The following VTI1A variants were observed in gnomAD, a reference collection of about 807,000 sequenced individuals.
VTI1A encodes vesicle transport through interaction with t-SNAREs 1A.
VTI1A carries 22 observed loss-of-function variants against 34.9 expected under a neutral mutation model. The observed-to-expected ratio is 0.63, with a 90% CI of 0.45 to 0.90. The LOEUF is 0.90. Ranked by LOEUF, VTI1A falls within the 40% of genes least tolerant of loss-of-function variation. VTI1A has a pLI of 0.00. For synonymous variants in VTI1A, 87 were observed against 97.3 expected (o/e 0.89, Z 0.62); for missense variants, 268 against 275.6 (o/e 0.97, Z 0.20).
At chr10:112,502,707 C>T (rs1849287084) in intron 3 of VTI1A, among the ~76,000 whole-genome samples, 1 of 152,164 alleles carries the variant, frequency 6.6e-6, no homozygotes, top group South Asian at 2.1e-4. Context: ...TTAGTGTTGG[C>T]TCTAGCCACT....
At chr10:112,759,273 C>G (rs1173517613) in intron 7 of VTI1A, among the ~76,000 whole-genome samples, 1 of 152,110 alleles carries the variant, frequency 6.6e-6, no homozygotes, top group Admixed American at 6.5e-5. Context: ...CTGGTTTGAT[C>G]AAGATAGTGT....
chr10:112,761,066 T>G (rs955962493), intron 7 of VTI1A, among the ~76,000 whole-genome samples: 1 of 152,180 alleles, frequency 6.6e-6, no homozygotes, highest in African/African-American at 2.4e-5. Flanking sequence ...ACTTTTTTTA[T>G]TTTCAAGGCT....
intron 3 of VTI1A, among the ~76,000 whole-genome samples, chr10:112,468,031 TAGAG>T: frequency 6.6e-6 from 1 of 152,314 alleles, no homozygotes; most frequent in African/African-American, 2.4e-5. Context: ...AATAAATGAA[TAGAG>T]AGTGACCAGC....
chr10:112,548,660 G>A (rs766536582), intron 5 of VTI1A: 54 of 1,139,052 alleles, frequency 4.7e-5, no homozygotes, highest in African/African-American at 6.1e-5. Context: ...GGAAGACTTG[G>A]TGACTTTGCC....
At position 112,577,695 on chromosome 10, in the gene VTI1A, A is replaced by G. The variant is rs750122715; in HGVS notation, c.427+39365A>G. On this transcript the variant is annotated intron_variant, in intron 5 of 7. Coordinates refer to ENST00000393077, the MANE Select transcript of VTI1A (RefSeq NM_145206.4). ...ATATGATGAGGCCTATACTTAAGGA[A>G]CATTATCCTGGTAGTAGTGTGGGAA... Among the ~76,000 whole-genome samples the G allele has an allele frequency of 1.1e-3, 172 of 152,360 alleles. 1 individual carries two copies. Among genetic ancestry groups the G allele is most frequent in the Non-Finnish European group, 1.7e-3 (118 of 68,036 alleles).
intron 3 of VTI1A, among the ~76,000 whole-genome samples, chr10:112,474,851 A>G (rs983995628): frequency 6.6e-6 from 1 of 152,182 alleles, no homozygotes; most frequent in Non-Finnish European, 1.5e-5. Flanking sequence ...TTCATTGTTT[A>G]TAGGATTCTT....
chr10:112,828,829 T>C, the VTI1A span, among the ~76,000 whole-genome samples: 2 of 146,124 alleles, frequency 1.4e-5, no homozygotes, highest in African/African-American at 2.5e-5. Flanking sequence ...CTGAGCAACA[T>C]AGTGAGACCT....
At chr10:112,653,904 T>A (rs1847130256) in intron 5 of VTI1A, among the ~76,000 whole-genome samples, 1 of 152,186 alleles carries the variant, frequency 6.6e-6, no homozygotes, top group Non-Finnish European at 1.5e-5. Context: ...AAAGACTCAG[T>A]TTTAGTGGTT....
intron 7 of VTI1A, among the ~76,000 whole-genome samples, chr10:112,783,707 G>C (rs1418199908): frequency 1.3e-5 from 2 of 152,192 alleles, no homozygotes; most frequent in Admixed American, 6.5e-5. Flanking sequence ...TAATTTGATG[G>C]ATTACTTTGT....
chr10:112,773,858 G>T (rs186127417), intron 7 of VTI1A, among the ~76,000 whole-genome samples: 1 of 152,222 alleles, frequency 6.6e-6, no homozygotes, highest in African/African-American at 2.4e-5. Context: ...CAGAGAGCCA[G>T]TGGATGTGAA....
At chr10:112,538,627 C>A in intron 5 of VTI1A, 4 of 248,156 alleles carry the variant, frequency 1.6e-5, no homozygotes, top group East Asian at 8.5e-5. Flanking sequence ...TTTACCCACC[C>A]GCAATGATTG....
Position 112,783,955 on chromosome 10 carries a change from T to A in VTI1A, c.561-31335T>A, listed in dbSNP as rs1330133325. Among the ~76,000 whole-genome samples, 5 of 152,274 alleles carry A rather than the reference T, an allele frequency of 3.3e-5. No homozygotes were observed. The East Asian group carries it at 9.7e-4, about 29-fold the overall frequency. On this transcript the variant is annotated intron_variant, in intron 7 of 7. Transcript: ENST00000393077. ...AAGGGCCGCCTTCTCCCGAGAACTG[T>A]CATCTGTGTCAGAGTGAAAGGAAAG...
chr10:112,732,617 G>T (rs539833687), intron 7 of VTI1A, among the ~76,000 whole-genome samples: 1 of 152,248 alleles, frequency 6.6e-6, no homozygotes, highest in African/African-American at 2.4e-5. Context: ...TCCACTCCTT[G>T]TTTCATGACC....
intron 7 of VTI1A, among the ~76,000 whole-genome samples, chr10:112,712,311 T>A (rs992017937): frequency 3.3e-5 from 5 of 152,162 alleles, no homozygotes; most frequent in Non-Finnish European, 5.9e-5. Context: ...AGTCCTCACA[T>A]GTATTTTCAG....
chr10:112,640,993 G>T (rs1846547441), intron 5 of VTI1A, among the ~76,000 whole-genome samples: 1 of 152,076 alleles, frequency 6.6e-6, no homozygotes, highest in Non-Finnish European at 1.5e-5. Flanking sequence ...ATTCAGATTG[G>T]CTGTTTTCAT....
intron 3 of VTI1A, among the ~76,000 whole-genome samples, chr10:112,488,970 C>G (rs181471375): frequency 6.6e-6 from 1 of 152,088 alleles, no homozygotes; most frequent in Non-Finnish European, 1.5e-5. Context: ...GAACTTTGGC[C>G]TCTTAGCTCG....
chr10:112,725,687 G>A (rs973236943), intron 7 of VTI1A, among the ~76,000 whole-genome samples: 1 of 152,160 alleles, frequency 6.6e-6, no homozygotes, highest in Non-Finnish European at 1.5e-5. Context: ...TGGTTACTCT[G>A]AAATACAGTT....
At chr10:112,790,206 T>C (rs763016487) in intron 7 of VTI1A, among the ~76,000 whole-genome samples, 2 of 152,200 alleles carry the variant, frequency 1.3e-5, no homozygotes, top group Non-Finnish European at 2.9e-5. Context: ...AGCCAATGAC[T>C]GGGCAGAGAT....
At chr10:112,520,835 A>G (rs1849998410) in intron 3 of VTI1A, among the ~76,000 whole-genome samples, 1 of 152,038 alleles carries the variant, frequency 6.6e-6, no homozygotes, top group Non-Finnish European at 1.5e-5. Flanking sequence ...AAGCAAAAAT[A>G]ATAAATGAGA....
Sources: gnomAD v4.1 joint callset for allele counts (sites outside exome capture counted in the v4.1 genomes callset) on GRCh38, gnomAD v4.1.1 for gene constraint, MANE v1.5 for transcripts, NCBI Gene and HGNC (gene_info 2026-07-23, HGNC 2026-07-21) for gene names.